Variants in SEC14L5 observed in about 807,000 individuals in gnomAD.
SEC14L5 encodes SEC14 like lipid binding 5.
A neutral mutation model predicts 84.6 loss-of-function variants in SEC14L5; 96 were observed. The ratio of observed to expected loss-of-function variants is 1.13; its 90% confidence interval spans 0.96 to 1.34. The LOEUF (loss-of-function observed/expected upper bound fraction) is 1.34. Ranked by LOEUF, SEC14L5 falls within the 40% of genes most tolerant of loss-of-function variation. The pLI is 0.00. For missense variants in SEC14L5, 1,224 were observed against 942.5 expected, an observed-to-expected ratio of 1.30 and a Z score of -3.91; for synonymous variants, 546 against 383.4, an observed-to-expected ratio of 1.42 and a Z score of -4.95.
chr16:5,010,788 C>T (rs1955790477), intron 14 of SEC14L5: 4 of 362,944 alleles, frequency 1.1e-5, no homozygotes, highest in Non-Finnish European at 1.5e-5. Flanking sequence ...TCCCACTCAG[C>T]AGAGCAAAAG....
In SEC14L5 at chr16:5,007,343, G is replaced by T; in HGVS notation, c.1438-9G>T. 1 of 1,613,314 alleles carries T rather than the reference G, an allele frequency of 6.2e-7. No homozygotes were observed. Among genetic ancestry groups the T allele is most frequent in the South Asian group, 1.1e-5 (1 of 90,962 alleles). ...CCCTGACCTGCTGCCCTTTATCTCT[G>T]ACCTGCAGTGTAATGTCCCCGAAGG... On this transcript the variant is annotated splice_polypyrimidine_tract_variant and intron_variant, in intron 12 of 15. Coordinates refer to ENST00000251170, the MANE Select transcript of SEC14L5 (RefSeq NM_014692.2).
At position 4,962,632 on chromosome 16, in the gene SEC14L5, G is replaced by A. The variant is rs113467008; in HGVS notation, c.63+3246G>A. ...AAACCCGGGAGGCGGAGGTTGCAGG[G>A]AGCCGAGATCGTGCCATTGCACTCC... On this transcript the variant is annotated intron_variant, in intron 2 of 15. Transcript: ENST00000251170. Among the ~76,000 whole-genome samples, 244 of 149,154 alleles carry A rather than the reference G, an allele frequency of 1.6e-3. 1 individual carries two copies. Among genetic ancestry groups the A allele is most frequent in the African/African-American group, 5.8e-3 (233 of 40,506 alleles).
Position 5,011,221 on chromosome 16 carries a change from C to T in SEC14L5, c.1927C>T (p.Pro643Ser), listed in dbSNP as rs911979020. The change falls in exon 15 of 16, where the codon CCC becomes TCC. Residue 643 changes from proline to serine, a missense_variant. By Grantham distance (74) the Pro-to-Ser change is moderately conservative (BLOSUM62 -1). Coordinates refer to ENST00000251170, the MANE Select transcript of SEC14L5 (RefSeq NM_014692.2). ...DVLTALHSPG[P>S]KCKLLYYCEV... ...CCTGACGGCTCTGCACAGCCCCGGG[C>T]CCAAGTGCAAACTTCTCTACTACTG... 3.1e-6 allele frequency: 5 copies of T among 1,613,766 alleles called. No homozygotes were observed. The Admixed American group carries it at 6.7e-5, about 22-fold the overall frequency.
intron 15 of SEC14L5, among the ~76,000 whole-genome samples, chr16:5,011,757 A>C (rs1955807458): frequency 6.6e-6 from 1 of 152,162 alleles, no homozygotes; most frequent in Non-Finnish European, 1.5e-5. Flanking sequence ...TTTGAGCCTC[A>C]GGTGCTTCAT....
At chr16:4,965,427 C>T (rs929129023) in intron 2 of SEC14L5, among the ~76,000 whole-genome samples, 10 of 151,880 alleles carry the variant, frequency 6.6e-5, no homozygotes, top group East Asian at 1.9e-4. Flanking sequence ...TTTAGGAGGC[C>T]GAGGCGGGCG....
intron 2 of SEC14L5, among the ~76,000 whole-genome samples, chr16:4,963,385 A>C (rs549504478): frequency 6.6e-6 from 1 of 151,902 alleles, no homozygotes; most frequent in Admixed American, 6.6e-5. Context: ...TCGCTTTGTC[A>C]TCTAGGTTGG....
In SEC14L5 at chr16:4,963,453, C is replaced by T. The variant is rs531734769; in HGVS notation, c.63+4067C>T. 2.0e-5 allele frequency among the ~76,000 whole-genome samples: 3 copies of T among 152,224 alleles called. No homozygotes were observed. The South Asian group carries it at 6.2e-4, about 32-fold the overall frequency. ...CTCCGCCTTCTGGGTTCAAGTGATT[C>T]TCTTGCTTCAGCCCCCTGAGTAGCT... On this transcript the variant is annotated intron_variant, in intron 2 of 15. Transcript: ENST00000251170.
At chr16:4,959,409 GC>G in intron 2 of SEC14L5, 23 bp downstream of exon 2, 1 of 1,608,914 alleles carries the variant, frequency 6.2e-7, no homozygotes, top group Non-Finnish European at 8.5e-7. Context: ...TGATTCTTGG[GC>G]CCCCATGTGA....
intron 11 of SEC14L5, 46 bp downstream of exon 11, chr16:5,003,619 GATGGGA>G: frequency 1.1e-4 from 31 of 277,680 alleles, no homozygotes; most frequent in East Asian, 7.0e-4. Flanking sequence ...GGGTGGGTGG[GATGGGA>G]GGGGTTCCGT....
chr16:5,001,225 C>G (rs534132758), intron 10 of SEC14L5, among the ~76,000 whole-genome samples: 18 of 151,816 alleles, frequency 1.2e-4, no homozygotes, highest in Admixed American at 2.6e-4. Flanking sequence ...TCCTCCCACT[C>G]CACTCAACAG....
intron 8 of SEC14L5, among the ~76,000 whole-genome samples, chr16:4,999,104 G>A (rs1288276125): frequency 6.6e-6 from 1 of 152,112 alleles, no homozygotes; most frequent in Admixed American, 6.5e-5. Flanking sequence ...GCATTTTTGG[G>A]CTTTTCTTTG....
intron 10 of SEC14L5, among the ~76,000 whole-genome samples, chr16:5,001,727 A>G (rs2142520301): frequency 6.6e-6 from 1 of 152,034 alleles, no homozygotes; most frequent in Non-Finnish European, 1.5e-5. Context: ...CATCGCCCCC[A>G]AAGGCAGCAA....
chr16:5,010,874 C>T, intron 14 of SEC14L5: 1 of 523,042 alleles, frequency 1.9e-6, no homozygotes, highest in Non-Finnish European at 3.4e-6. Flanking sequence ...CAGCTCCTCC[C>T]CAGATTAAGA....
Position 5,003,399 on chromosome 16 carries a change from C to A in SEC14L5, c.1131-3C>A. 6.2e-7 allele frequency: 1 copy of A among 1,611,354 alleles called. No individual in the cohort carries two copies. The highest frequency in any genetic ancestry group is 1.1e-5 in the South Asian group (1 of 90,976). ...GGTGGAGCTGGGGCTATTTCTGCCA[C>A]AGCTCCTGGACCTGCCTGCTAGACC... is the stretch of plus-strand genomic sequence containing the variant. On this transcript the variant is annotated splice_region_variant and splice_polypyrimidine_tract_variant and intron_variant, in intron 10 of 15. Transcript: ENST00000251170.
At chr16:5,000,220 G>T (rs8049809) in intron 8 of SEC14L5, among the ~76,000 whole-genome samples, 29,986 of 151,956 alleles carry the variant, frequency 0.2, 3,531 homozygotes, top group Admixed American at 0.25. Context: ...GAACCTGGGA[G>T]GCCGAGGTTA....
chr16:4,980,567 C>T (rs887454454), intron 2 of SEC14L5, among the ~76,000 whole-genome samples: 1 of 152,142 alleles, frequency 6.6e-6, no homozygotes, highest in Non-Finnish European at 1.5e-5. Flanking sequence ...GTGTTATGTT[C>T]TTCTTTGCTG....
At chr16:4,969,660 A>C (rs1267815255) in intron 2 of SEC14L5, among the ~76,000 whole-genome samples, 1 of 152,148 alleles carries the variant, frequency 6.6e-6, no homozygotes, top group Non-Finnish European at 1.5e-5. Flanking sequence ...CTGAGATTAC[A>C]GGTGTGAGCT....
At position 5,018,717 on chromosome 16, in the gene SEC14L5, G is replaced by C. The variant is rs1955900397; in HGVS notation, c.*3747G>C. The stretch of plus-strand genomic sequence containing the variant: ...TGGGTAAGTCCACCCATCTGAGGGA[G>C]TGTATTCTGAGTGGTATTTCCCTTG... On this transcript the variant is annotated 3_prime_UTR_variant, in exon 16 of 16. Coordinates refer to ENST00000251170, the MANE Select transcript of SEC14L5 (RefSeq NM_014692.2). 1 of 152,192 alleles carries C rather than the reference G, an allele frequency of 6.6e-6. No homozygotes were observed. The highest frequency in any genetic ancestry group is 2.1e-4 in the South Asian group (1 of 4,836). The allele number at this position is 152,192 out of a possible 1,614,324, so 9.4% of individuals were successfully genotyped here.
At chr16:4,962,591 G>C (rs752454237) in intron 2 of SEC14L5, among the ~76,000 whole-genome samples, 15 of 150,416 alleles carry the variant, frequency 1.0e-4, no homozygotes, top group Non-Finnish European at 2.2e-4. Context: ...GGGAGGCTGA[G>C]AGAGGAGAAT....
Sources: gnomAD v4.1 joint callset for allele counts (sites outside exome capture counted in the v4.1 genomes callset) on GRCh38, gnomAD v4.1.1 for gene constraint, MANE v1.5 for transcripts, NCBI Gene and HGNC (gene_info 2026-07-23, HGNC 2026-07-21) for gene names.